CFH: variants seen among roughly 807,000 people sequenced by gnomAD.
CFH encodes H factor 1 (complement).
In CFH, 53 loss-of-function variants were observed where a neutral mutation model predicts 147.3. The observed-to-expected ratio is 0.36, with a 90% CI of 0.29 to 0.45. The LOEUF (loss-of-function observed/expected upper bound fraction) is 0.45, where lower values mean the gene tolerates loss of function less well. CFH is among the 20% of genes least tolerant of loss of function. CFH has a pLI of 1.00. For synonymous variants in CFH, 536 were observed against 489.4 expected (o/e 1.10, Z -1.26); for missense variants, 1,380 against 1,498.0 (o/e 0.92, Z 1.30).
At chr1:196,720,826 T>C (rs112454880) in intron 11 of CFH, among the ~76,000 whole-genome samples, 1,743 of 151,974 alleles carry the variant, frequency 0.011, 26 homozygotes, top group Non-Finnish European at 0.015. Flanking sequence ...TACACAGTAG[T>C]GGGATTGCTG....
At chr1:196,707,545 C>A (rs1256280388) in intron 9 of CFH, among the ~76,000 whole-genome samples, 1 of 152,136 alleles carries the variant, frequency 6.6e-6, no homozygotes, top group Non-Finnish European at 1.5e-5. Flanking sequence ...GTGAAAGAGG[C>A]CATGCAAAGC....
intron 1 of CFH, among the ~76,000 whole-genome samples, chr1:196,664,633 C>A (rs1667017104): frequency 2.0e-5 from 3 of 152,122 alleles, no homozygotes; most frequent in South Asian, 2.1e-4. Context: ...GGCCCCTGAC[C>A]TAATGTATCT....
chr1:196,661,789 A>G (rs1367805510), intron 1 of CFH, among the ~76,000 whole-genome samples: 1 of 152,224 alleles, frequency 6.6e-6, no homozygotes, highest in African/African-American at 2.4e-5. Flanking sequence ...TCAATGCGGG[A>G]AGCTTAAGTA....
At chr1:196,668,152 G>A (rs1667159710) in intron 1 of CFH, among the ~76,000 whole-genome samples, 1 of 151,808 alleles carries the variant, frequency 6.6e-6, no homozygotes, top group African/African-American at 2.4e-5. Flanking sequence ...ATTTTCTTCA[G>A]TTCTGCTTAT....
rs184773114 is a variant in CFH, at chr1:196,652,099, C to G, written c.-19C>G. 1 of 1,578,496 alleles carries G rather than the reference C, an allele frequency of 6.3e-7. No individual in the cohort carries two copies. Among genetic ancestry groups the G allele is most frequent in the African/African-American group, 1.3e-5 (1 of 74,290 alleles). On this transcript the variant is annotated 5_prime_UTR_variant, in exon 1 of 22. Coordinates refer to ENST00000367429, the MANE Select transcript of CFH (RefSeq NM_000186.4). ...TGAACAGAGTTAGCTGGTAAATGTC[C>G]TCTTAAAAGATCCAAAAAATGAGAC...
intron 6 of CFH, among the ~76,000 whole-genome samples, chr1:196,684,115 A>G (rs1328910310): frequency 1.3e-5 from 2 of 151,958 alleles, no homozygotes. Context: ...AGGAGTGAGA[A>G]GGTGCCTTAT....
intron 15 of CFH, among the ~76,000 whole-genome samples, chr1:196,734,743 T>A (rs189550678): frequency 6.6e-6 from 1 of 151,948 alleles, no homozygotes; most frequent in Non-Finnish European, 1.5e-5. Context: ...GATCATTTTT[T>A]AAATCTTGAT....
chr1:196,705,934 T>C (rs1451735903), intron 9 of CFH, among the ~76,000 whole-genome samples: 2 of 152,150 alleles, frequency 1.3e-5, no homozygotes, highest in African/African-American at 4.8e-5. Context: ...AACCTATACA[T>C]GATTGCATAT....
intron 18 of CFH, 162 bp from the exon 19 acceptor site, chr1:196,741,713 G>A: frequency 1.6e-6 from 1 of 627,206 alleles, no homozygotes; most frequent in Non-Finnish European, 2.8e-6. Flanking sequence ...AGAATTTAAT[G>A]TAATTAAGAC....
intron 9 of CFH, among the ~76,000 whole-genome samples, chr1:196,711,465 T>A (rs559812445): frequency 6.6e-6 from 1 of 151,730 alleles, no homozygotes; most frequent in South Asian, 2.1e-4. Context: ...TACCAAAATG[T>A]GGATTTTTTT....
intron 9 of CFH, among the ~76,000 whole-genome samples, chr1:196,694,356 A>G (rs1460249881): frequency 2.0e-5 from 3 of 152,208 alleles, no homozygotes; most frequent in Non-Finnish European, 2.9e-5. Context: ...ATGGCTGCAT[A>G]GTATTCCATG....
chr1:196,673,084 A>G lies in CFH; in HGVS notation c.165A>G (p.Gly55=). The G allele has an allele frequency of 1.2e-6, 2 of 1,613,970 alleles. No individual in the cohort carries two copies. Among genetic ancestry groups the G allele is most frequent in the Non-Finnish European group, 1.7e-6 (2 of 1,179,866 alleles). The change falls in exon 2 of 22, where the codon GGA becomes GGG. Residue 55 remains glycine (G), a synonymous_variant. Coordinates refer to ENST00000367429, the MANE Select transcript of CFH (RefSeq NM_000186.4). The part of the protein sequence containing the change: ...GTQAIYKCRP[G]YRSLGNVIMV... ...AGGCTATCTATAAATGCCGCCCTGG[A>G]TATAGATCTCTTGGAAATGTAATAA...
chr1:196,677,942 A>G (rs1195509279), intron 5 of CFH: 6 of 410,784 alleles, frequency 1.5e-5, no homozygotes, highest in Non-Finnish European at 2.7e-5. Flanking sequence ...ATCATGGCAT[A>G]AAGAGTCAAG....
chr1:196,690,750 TTTACATAGGGCCCAAAGA>T (rs1408980997), intron 9 of CFH, among the ~76,000 whole-genome samples: 13 of 152,038 alleles, frequency 8.6e-5, no homozygotes, highest in African/African-American at 3.1e-4. Context: ...CAGTGTCTGA[TTTACATAGGGCCCAAAGA>T]TTGGTTAAAC....
At chr1:196,715,992 G>C (rs2149103873) in intron 11 of CFH, among the ~76,000 whole-genome samples, 1 of 152,068 alleles carries the variant, frequency 6.6e-6, no homozygotes, top group Admixed American at 6.6e-5. Context: ...CCAGATTTGT[G>C]ATTATAATAT....
chr1:196,692,674 T>A (rs1668078478), intron 9 of CFH, among the ~76,000 whole-genome samples: 1 of 150,778 alleles, frequency 6.6e-6, no homozygotes, highest in Non-Finnish European at 1.5e-5. Context: ...TTTTTCTTTT[T>A]TCTCTTTCTT....
intron 9 of CFH, among the ~76,000 whole-genome samples, chr1:196,703,613 T>A (rs1311891720): frequency 6.6e-6 from 1 of 152,078 alleles, no homozygotes; most frequent in Non-Finnish European, 1.5e-5. Context: ...ATAATGAAGG[T>A]GACTGAAATC....
chr1:196,713,897 C>T lies in CFH; in HGVS notation c.1499C>T (p.Ser500Leu). ...ATTACATGTGGGAAAGATGGATGGT[C>T]AGCTCAACCCACGTGCATTAGTAAG... Reference protein sequence around the residue: ...GSITCGKDGWSAQPTCIKSCD... With the variant: ...GSITCGKDGWLAQPTCIKSCD... Residue 500 changes from serine (S) to leucine (L), a missense_variant, in exon 10 of 22, where the codon TCA (serine) becomes TTA (leucine). By Grantham distance (145) the Ser-to-Leu change is moderately radical (BLOSUM62 -2). Transcript: ENST00000367429. 1 of 1,612,386 alleles carries T rather than the reference C, an allele frequency of 6.2e-7. No homozygotes were observed. The highest frequency in any genetic ancestry group is 8.5e-7 in the Non-Finnish European group (1 of 1,178,960).
At chr1:196,727,044 A>G (rs1669159753) in intron 14 of CFH, 104 bp downstream of exon 14, 1 of 993,512 alleles carries the variant, frequency 1.0e-6, no homozygotes, top group Non-Finnish European at 1.6e-6. Context: ...ATGCCTCAAC[A>G]TTTCCAGTCT....
Sources: gnomAD v4.1 joint callset for allele counts (sites outside exome capture counted in the v4.1 genomes callset) on GRCh38, gnomAD v4.1.1 for gene constraint, MANE v1.5 for transcripts, NCBI Gene and HGNC (gene_info 2026-07-23, HGNC 2026-07-21) for gene names.